IMMP2L: variants seen among roughly 807,000 people sequenced by gnomAD.
IMMP2L encodes mitochondrial inner membrane protease subunit 2.
IMMP2L carries 18 observed loss-of-function variants against 19.3 expected under a neutral mutation model. The ratio of observed to expected loss-of-function variants is 0.93; its 90% confidence interval spans 0.64 to 1.38. IMMP2L has a LOEUF of 1.38. Ranked by LOEUF, IMMP2L falls within the 40% of genes most tolerant of loss-of-function variation. The pLI, the probability that IMMP2L is intolerant of heterozygous loss-of-function variation, is 0.00. For missense variants in IMMP2L, 233 were observed against 218.2 expected (o/e 1.07, Z -0.43); for synonymous variants, 76 against 73.0 (o/e 1.04, Z -0.21).
intron 5 of IMMP2L, among the ~76,000 whole-genome samples, chr7:110,713,237 C>A (rs953894723): frequency 2.0e-5 from 3 of 152,188 alleles, no homozygotes; most frequent in African/African-American, 7.2e-5. Flanking sequence ...AGTTTGATTT[C>A]TGGGTTCTCT....
intron 3 of IMMP2L, among the ~76,000 whole-genome samples, chr7:111,412,827 A>AT (rs572115174): frequency 2.7e-5 from 4 of 150,608 alleles, no homozygotes; most frequent in Middle Eastern, 3.4e-3. Context: ...TTTAGAAGAA[A>AT]TTTTTTTTTT....
intron 3 of IMMP2L, among the ~76,000 whole-genome samples, chr7:111,431,437 C>T (rs1312427632): frequency 2.0e-5 from 3 of 151,840 alleles, no homozygotes. Flanking sequence ...AATCTATAAA[C>T]TCTATAAGCA....
intron 5 of IMMP2L, among the ~76,000 whole-genome samples, chr7:110,670,023 T>C (rs1420299816): frequency 6.6e-6 from 1 of 152,186 alleles, no homozygotes; most frequent in Non-Finnish European, 1.5e-5. Flanking sequence ...CTCAACTTTA[T>C]ATGTTGAAGT....
At chr7:111,485,850 C>T (rs914353518) in intron 3 of IMMP2L, among the ~76,000 whole-genome samples, 60 of 151,678 alleles carry the variant, frequency 4.0e-4, no homozygotes, top group Admixed American at 2.2e-3. Context: ...TATTTAAGTC[C>T]ACTTGGTTAG....
chr7:110,860,713 T>C (rs1323925607), intron 5 of IMMP2L, among the ~76,000 whole-genome samples: 1 of 152,116 alleles, frequency 6.6e-6, no homozygotes, highest in African/African-American at 2.4e-5. Flanking sequence ...AATTTATAGC[T>C]CCCTTTACAT....
chr7:111,000,880 T>C (rs1823603895), intron 3 of IMMP2L, among the ~76,000 whole-genome samples: 1 of 150,968 alleles, frequency 6.6e-6, no homozygotes, highest in African/African-American at 2.4e-5. Flanking sequence ...TGATTCCCTA[T>C]GGTAGGCCGA....
chr7:110,805,881 A>AC (rs1801597763), intron 5 of IMMP2L, among the ~76,000 whole-genome samples: 1 of 151,948 alleles, frequency 6.6e-6, no homozygotes, highest in African/African-American at 2.4e-5. Context: ...ATAATGCTAT[A>AC]CCCCAAGCAC....
At chr7:110,895,990 T>C (rs963441767) in intron 4 of IMMP2L, among the ~76,000 whole-genome samples, 2 of 151,754 alleles carry the variant, frequency 1.3e-5, no homozygotes, top group African/African-American at 4.8e-5. Flanking sequence ...CCCCGCTAAT[T>C]AAAAAAAATG....
intron 3 of IMMP2L, among the ~76,000 whole-genome samples, chr7:111,317,095 G>A (rs1981712): frequency 0.31 from 47,396 of 151,600 alleles, 8,478 homozygotes; most frequent in South Asian, 0.6. Flanking sequence ...TGATCCGCCC[G>A]CCTCAGCCTC....
intron 1 of IMMP2L, among the ~76,000 whole-genome samples, chr7:111,530,003 G>A (rs534137590): frequency 1.3e-5 from 2 of 152,276 alleles, no homozygotes; most frequent in African/African-American, 4.8e-5. Context: ...CCTTCCCTCT[G>A]ATTCAGTGGA....
At chr7:110,714,919 A>AT (rs1203778106) in intron 5 of IMMP2L, among the ~76,000 whole-genome samples, 1 of 151,856 alleles carries the variant, frequency 6.6e-6, no homozygotes, top group African/African-American at 2.4e-5. Context: ...TAATTGGCCA[A>AT]TTTTTTGTTA....
intron 3 of IMMP2L, among the ~76,000 whole-genome samples, chr7:111,160,263 A>G (rs1388090236): frequency 6.6e-6 from 1 of 152,124 alleles, no homozygotes; most frequent in East Asian, 1.9e-4. Flanking sequence ...TTATCCAAAA[A>G]TATTATAACG....
chr7:111,119,620 T>G (rs1800340442), intron 3 of IMMP2L, among the ~76,000 whole-genome samples: 1 of 152,228 alleles, frequency 6.6e-6, no homozygotes, highest in Non-Finnish European at 1.5e-5. Flanking sequence ...TAAAACAGAT[T>G]TACTGAAATT....
At chr7:111,201,140 C>T (rs1562919516) in intron 3 of IMMP2L, among the ~76,000 whole-genome samples, 1 of 152,096 alleles carries the variant, frequency 6.6e-6, no homozygotes, top group Non-Finnish European at 1.5e-5. Flanking sequence ...TTGTATCAAA[C>T]ACATATGCTT....
At chr7:111,375,321 A>T (rs1328444334) in intron 3 of IMMP2L, among the ~76,000 whole-genome samples, 1 of 152,134 alleles carries the variant, frequency 6.6e-6, no homozygotes, top group Non-Finnish European at 1.5e-5. Context: ...CACCAAAAAA[A>T]AAAGTGGTTT....
intron 5 of IMMP2L, among the ~76,000 whole-genome samples, chr7:110,751,675 T>A (rs1425760872): frequency 6.6e-6 from 1 of 152,184 alleles, no homozygotes; most frequent in East Asian, 1.9e-4. Context: ...GAAATTCTAA[T>A]ATTTAATGAC....
intron 5 of IMMP2L, among the ~76,000 whole-genome samples, chr7:110,847,530 A>G (rs1805790639): frequency 6.6e-6 from 1 of 152,186 alleles, no homozygotes; most frequent in Non-Finnish European, 1.5e-5. Flanking sequence ...CATAACCTCA[A>G]TCAAAAGCAA....
intron 3 of IMMP2L, among the ~76,000 whole-genome samples, chr7:110,997,250 G>C (rs567886594): frequency 2.6e-5 from 4 of 152,150 alleles, no homozygotes; most frequent in African/African-American, 9.6e-5. Flanking sequence ...TTGCTGAATT[G>C]TATTTCATGT....
intron 3 of IMMP2L, among the ~76,000 whole-genome samples, chr7:111,223,367 G>A (rs1812733495): frequency 1.3e-5 from 2 of 152,000 alleles, no homozygotes; most frequent in South Asian, 4.1e-4. Flanking sequence ...ATCATTTGCA[G>A]TGTTTTAAAA....
Sources: gnomAD v4.1 joint callset for allele counts (sites outside exome capture counted in the v4.1 genomes callset) on GRCh38, gnomAD v4.1.1 for gene constraint, MANE v1.5 for transcripts, NCBI Gene and HGNC (gene_info 2026-07-23, HGNC 2026-07-21) for gene names.